Variants in GBE1 observed in about 807,000 individuals in gnomAD.
GBE1 encodes 1,4-alpha-glucan branching enzyme 1.
A neutral mutation model predicts 88.8 loss-of-function variants in GBE1; 70 were observed. The observed-to-expected ratio is 0.79, with a 90% confidence interval of 0.65 to 0.96. GBE1 has a LOEUF of 0.96. Ranked by LOEUF, GBE1 falls within the 40% of genes least tolerant of loss-of-function variation. The pLI is 0.00. For synonymous variants in GBE1, 284 were observed against 300.1 expected (o/e 0.95, Z 0.56); for missense variants, 872 against 871.0 (o/e 1.00, Z -0.01).
At chr3:81,759,489 G>C (rs1291424652) in intron 1 of GBE1, among the ~76,000 whole-genome samples, 1 of 152,202 alleles carries the variant, frequency 6.6e-6, no homozygotes, top group East Asian at 1.9e-4. Flanking sequence ...ACTAAGACCA[G>C]ATTGTATGAA....
At chr3:81,699,559 A>T (rs555579018) in intron 2 of GBE1, among the ~76,000 whole-genome samples, 76 of 152,150 alleles carry the variant, frequency 5.0e-4, no homozygotes, top group Non-Finnish European at 9.6e-4. Context: ...CAAGCTGAGG[A>T]GCAAGGAGAG....
intron 7 of GBE1, among the ~76,000 whole-genome samples, chr3:81,636,433 G>A (rs898164145): frequency 2.6e-5 from 4 of 151,946 alleles, no homozygotes; most frequent in Non-Finnish European, 5.9e-5. Flanking sequence ...CAGGCTATAA[G>A]TTACTGCTTA....
intron 12 of GBE1, among the ~76,000 whole-genome samples, chr3:81,541,958 CAT>C (rs1379740764): frequency 1.3e-5 from 2 of 151,948 alleles, no homozygotes; most frequent in Non-Finnish European, 1.5e-5. Flanking sequence ...GTAATCCACT[CAT>C]AGAAATATTT....
rs1424242273 is a variant in GBE1, at chr3:81,733,406, C to CA, written c.144-27794dup. Among the ~76,000 whole-genome samples, 2 of 151,758 alleles carry CA rather than the reference C, an allele frequency of 1.3e-5. No homozygotes were observed. The highest frequency in any genetic ancestry group is 1.9e-4 in the East Asian group (1 of 5,156). Reference sequence around the variant, plus strand: ...TGTAATAAAATAGAAATAAAGTGCACAAAAAAAATGTAATGCACTTGAATC... The same window carrying CA: ...TGTAATAAAATAGAAATAAAGTGCACAAAAAAAAATGTAATGCACTTGAATC... On this transcript the variant is annotated intron_variant, in intron 1 of 15. Coordinates refer to ENST00000429644, the MANE Select transcript of GBE1 (RefSeq NM_000158.4). The surrounding 1 kb of genome is among the most constrained non-coding windows in gnomAD (Gnocchi z 4.0).
At chr3:81,646,602 C>G in intron 5 of GBE1, 120 bp from the exon 6 acceptor site, 3 of 621,540 alleles carry the variant, frequency 4.8e-6, no homozygotes, top group Middle Eastern at 3.9e-4. Flanking sequence ...AAGCTTTGGT[C>G]GTCTTGAAAA....
intron 7 of GBE1, among the ~76,000 whole-genome samples, chr3:81,622,520 C>T (rs1297193613): frequency 1.3e-5 from 2 of 152,178 alleles, no homozygotes; most frequent in African/African-American, 2.4e-5. Flanking sequence ...GCTTTGAATG[C>T]CCTTTACAAA....
chr3:81,512,949 A>T (rs949249635), intron 14 of GBE1, among the ~76,000 whole-genome samples: 3 of 151,856 alleles, frequency 2.0e-5, no homozygotes, highest in Non-Finnish European at 4.4e-5. Flanking sequence ...TATATATCTT[A>T]ACCCAAGTAA....
At chr3:81,574,944 C>T (rs1037181185) in intron 12 of GBE1, among the ~76,000 whole-genome samples, 2 of 152,136 alleles carry the variant, frequency 1.3e-5, no homozygotes, top group African/African-American at 4.8e-5. Context: ...GCAGGCGAAT[C>T]ACGAGGTCAG....
intron 7 of GBE1, among the ~76,000 whole-genome samples, chr3:81,640,955 A>G (rs1340483646): frequency 6.6e-6 from 1 of 152,132 alleles, no homozygotes; most frequent in Non-Finnish European, 1.5e-5. Context: ...TTAAATAACA[A>G]TGTTAAGTTT....
At chr3:81,515,973 G>A (rs989913821) in intron 14 of GBE1, among the ~76,000 whole-genome samples, 5 of 151,676 alleles carry the variant, frequency 3.3e-5, no homozygotes, top group African/African-American at 1.2e-4. Context: ...AAGGTTTAAG[G>A]AATAAAGACA....
chr3:81,614,957 G>A (rs145696249), intron 7 of GBE1, among the ~76,000 whole-genome samples: 199 of 152,044 alleles, frequency 1.3e-3, no homozygotes, highest in African/African-American at 4.4e-3. Flanking sequence ...TGAGCCCAGG[G>A]CCCAGGAGCT....
At chr3:81,759,917 T>C (rs1706655568) in intron 1 of GBE1, among the ~76,000 whole-genome samples, 1 of 152,178 alleles carries the variant, frequency 6.6e-6, no homozygotes, top group African/African-American at 2.4e-5. Context: ...TTAAGTGTCC[T>C]TTTACAAAGC....
intron 14 of GBE1, among the ~76,000 whole-genome samples, chr3:81,518,086 G>A (rs190643471): frequency 4.0e-4 from 61 of 151,390 alleles, no homozygotes; most frequent in African/African-American, 1.3e-3. Context: ...GGGCACAAAT[G>A]TTCCTCCCCC....
intron 1 of GBE1, among the ~76,000 whole-genome samples, chr3:81,712,743 C>A (rs1454243923): frequency 6.6e-6 from 1 of 151,994 alleles, no homozygotes; most frequent in East Asian, 1.9e-4. Flanking sequence ...CACATGTATA[C>A]ATATGTAATA....
At chr3:81,545,669 T>C (rs528866139) in intron 12 of GBE1, among the ~76,000 whole-genome samples, 228 of 152,050 alleles carry the variant, frequency 1.5e-3, no homozygotes, top group African/African-American at 5.3e-3. Flanking sequence ...ATTCCACCAG[T>C]CCACTCTTTT....
rs140203229 is a variant in GBE1 at position 81,760,985 on chromosome 3, C to T, written c.143+390G>A. 2.4e-3 allele frequency among the ~76,000 whole-genome samples: 364 copies of T among 152,350 alleles called. 5 individuals are homozygous for T. The highest frequency in any genetic ancestry group is 8.4e-3 in the African/African-American group (349 of 41,580). On this transcript the variant is annotated intron_variant, in intron 1 of 15. Coordinates refer to ENST00000429644, the MANE Select transcript of GBE1 (RefSeq NM_000158.4). ...GTAATTACACGTGCCAGGAGTTATGCCCACGTTACTCCACAGGCCCACGCT... is the reference window on the plus strand; with the variant it reads ...GTAATTACACGTGCCAGGAGTTATGTCCACGTTACTCCACAGGCCCACGCT...
At chr3:81,714,168 T>G (rs1705908886) in intron 1 of GBE1, among the ~76,000 whole-genome samples, 1 of 152,242 alleles carries the variant, frequency 6.6e-6, no homozygotes, top group East Asian at 1.9e-4. Context: ...TTTTGAACCC[T>G]GATGTCTTCC....
At chr3:81,680,389 A>C (rs959119177) in intron 2 of GBE1, among the ~76,000 whole-genome samples, 2 of 151,582 alleles carry the variant, frequency 1.3e-5, no homozygotes, top group Non-Finnish European at 2.9e-5. Context: ...CCAGCTACTC[A>C]GGAAGCTGAG....
intron 12 of GBE1, among the ~76,000 whole-genome samples, chr3:81,538,657 C>A (rs1406546371): frequency 6.6e-6 from 1 of 151,992 alleles, no homozygotes; most frequent in Non-Finnish European, 1.5e-5. Flanking sequence ...AACCATGAAA[C>A]TAGCAAAATA....
Sources: allele counts gnomAD v4.1 joint callset (sites outside exome capture counted in the v4.1 genomes callset), GRCh38; gene constraint gnomAD v4.1.1; non-coding constraint Gnocchi (gnomAD v3.1); transcripts MANE v1.5; gene names NCBI Gene and HGNC (gene_info 2026-07-23, HGNC 2026-07-21).